Variants in PPARGC1A observed in about 807,000 individuals in gnomAD.
PPARGC1A encodes the protein PPARG coactivator 1 alpha.
PPARGC1A carries 25 observed loss-of-function variants against 88.7 expected under a neutral mutation model. That is an observed-to-expected ratio of 0.28 (90% CI 0.21 to 0.39). The LOEUF is 0.39. Ranked by LOEUF, PPARGC1A falls within the 10% of genes least tolerant of loss-of-function variation. PPARGC1A has a pLI of 1.00. For synonymous variants in PPARGC1A, 363 were observed against 355.6 expected (o/e 1.02, Z -0.24); for missense variants, 880 against 968.7 (o/e 0.91, Z 1.22).
intron 2 of PPARGC1A, among the ~76,000 whole-genome samples, chr4:23,847,483 C>G (rs1728523749): frequency 1.3e-5 from 2 of 151,634 alleles, no homozygotes; most frequent in South Asian, 4.2e-4. Context: ...GCAACACCCG[C>G]CAGCCAAAAG....
the PPARGC1A span, among the ~76,000 whole-genome samples, chr4:24,184,238 C>T: frequency 6.6e-6 from 1 of 152,128 alleles, no homozygotes; most frequent in Non-Finnish European, 1.5e-5. Context: ...CTTTTATTAT[C>T]CCCAATTTGG....
the PPARGC1A span, among the ~76,000 whole-genome samples, chr4:24,466,914 AGG>A: frequency 7.1e-6 from 1 of 141,646 alleles, no homozygotes; most frequent in Non-Finnish European, 1.5e-5. Flanking sequence ...GAAGGAAGGA[AGG>A]AAGGGAAGGA....
chr4:24,266,273 G>A, the PPARGC1A span, among the ~76,000 whole-genome samples: 1 of 152,148 alleles, frequency 6.6e-6, no homozygotes. Flanking sequence ...ATGGAGTTGG[G>A]TGAGCCTTGA....
At chr4:24,229,431 G>C in the PPARGC1A span, among the ~76,000 whole-genome samples, 1 of 150,766 alleles carries the variant, frequency 6.6e-6, no homozygotes, top group African/African-American at 2.4e-5. Flanking sequence ...TTATAGGCAT[G>C]AGCCACGATG....
the PPARGC1A span, among the ~76,000 whole-genome samples, chr4:24,428,784 G>A: frequency 2.6e-5 from 4 of 152,226 alleles, no homozygotes; most frequent in Non-Finnish European, 4.4e-5. Context: ...TTCCTGTGGT[G>A]ATTGGAAGCC....
the PPARGC1A span, among the ~76,000 whole-genome samples, chr4:24,049,322 A>ATT: frequency 7.0e-6 from 1 of 141,984 alleles, no homozygotes; most frequent in African/African-American, 2.6e-5. Flanking sequence ...ATATATATAT[A>ATT]TGTGTGTGTG....
chr4:24,226,178 G>T, the PPARGC1A span, among the ~76,000 whole-genome samples: 1 of 152,140 alleles, frequency 6.6e-6, no homozygotes, highest in South Asian at 2.1e-4. Flanking sequence ...ATGATTTCCT[G>T]TAAGTTTGTC....
chr4:24,301,331 C>T, the PPARGC1A span, among the ~76,000 whole-genome samples: 1 of 152,104 alleles, frequency 6.6e-6, no homozygotes, highest in Non-Finnish European at 1.5e-5. Context: ...GAGAATTGAA[C>T]TCTAGCTGTT....
upstream of PPARGC1A, among the ~76,000 whole-genome samples, chr4:23,891,486 A>G (rs1717839150): frequency 6.6e-6 from 1 of 152,226 alleles, no homozygotes; most frequent in African/African-American, 2.4e-5. Context: ...GCCCTAACAC[A>G]TATTTTAAAT....
At chr4:23,858,999 T>C (rs1188125057) in intron 2 of PPARGC1A, among the ~76,000 whole-genome samples, 4 of 149,656 alleles carry the variant, frequency 2.7e-5, no homozygotes, top group Non-Finnish European at 5.9e-5. Context: ...TTAAAGTATG[T>C]AAATATAAAT....
chr4:24,415,285 T>G, the PPARGC1A span, among the ~76,000 whole-genome samples: 1 of 152,056 alleles, frequency 6.6e-6, no homozygotes, highest in Non-Finnish European at 1.5e-5. Context: ...GTTGTGGAGC[T>G]AGGGACTATC....
Position 23,828,503 on chromosome 4 carries a change from A to T in PPARGC1A, c.654T>A (p.Asp218Glu). 6.2e-7 allele frequency: 1 copy of T among 1,614,044 alleles called. No individual in the cohort carries two copies. The highest frequency in any genetic ancestry group is 8.5e-7 in the Non-Finnish European group (1 of 1,179,984). ...SELLKYLTTN[D>E]DPPHTKPTEN... is the part of the protein sequence containing the mutation. The stretch of plus-strand genomic sequence containing the variant: ...CTGTGGGTTTGGTGTGAGGAGGGTC[A>T]TCGTTTGTGGTCAGATATTTGAGAA... Residue 218 changes from aspartate (D) to glutamate (E), a missense_variant, in exon 5 of 13, where the codon GAT becomes GAA. Asp to Glu is a conservative substitution (Grantham distance 45). Coordinates refer to ENST00000264867, the MANE Select transcript of PPARGC1A (RefSeq NM_013261.5).
the PPARGC1A span, among the ~76,000 whole-genome samples, chr4:23,985,398 T>C: frequency 3.3e-5 from 5 of 151,852 alleles, no homozygotes; most frequent in Admixed American, 6.6e-5. Context: ...ACCAGCACTG[T>C]CCAATGTACA....
the PPARGC1A span, among the ~76,000 whole-genome samples, chr4:24,339,363 AT>A: frequency 9.5e-4 from 140 of 147,904 alleles, no homozygotes; most frequent in Middle Eastern, 3.6e-3. Flanking sequence ...TTCTGGCCTG[AT>A]TTTTTTTTTC....
chr4:24,006,823 C>G, the PPARGC1A span, among the ~76,000 whole-genome samples: 2 of 152,134 alleles, frequency 1.3e-5, no homozygotes, highest in Non-Finnish European at 2.9e-5. Context: ...AACAGCAACA[C>G]TTCTGAGGTC....
the PPARGC1A span, among the ~76,000 whole-genome samples, chr4:24,136,290 C>T: frequency 2.3e-4 from 35 of 152,288 alleles, no homozygotes; most frequent in South Asian, 6.2e-4. Flanking sequence ...AGTCCATTTG[C>T]CATTTACACA....
chr4:24,285,026 A>C, the PPARGC1A span, among the ~76,000 whole-genome samples: 1 of 136,812 alleles, frequency 7.3e-6, no homozygotes, highest in African/African-American at 3.7e-5. Context: ...AGACTGTCTC[A>C]AAAAAAAGTA....
chr4:24,227,824 T>C, the PPARGC1A span, among the ~76,000 whole-genome samples: 1 of 152,324 alleles, frequency 6.6e-6, no homozygotes, highest in Middle Eastern at 3.4e-3. Flanking sequence ...AGGAGAGCAC[T>C]GAGCACCCGA....
chr4:24,054,966 A>G, the PPARGC1A span, among the ~76,000 whole-genome samples: 1 of 152,252 alleles, frequency 6.6e-6, no homozygotes, highest in Admixed American at 6.5e-5. Flanking sequence ...GTGTTATTAC[A>G]TTTAATCCTC....
Sources: gnomAD v4.1 joint callset for allele counts (sites outside exome capture counted in the v4.1 genomes callset) on GRCh38, gnomAD v4.1.1 for gene constraint, MANE v1.5 for transcripts, NCBI Gene and HGNC (gene_info 2026-07-23, HGNC 2026-07-21) for gene names.